The following PTPRD variants were observed in gnomAD, a reference collection of about 807,000 sequenced individuals.
The protein encoded by PTPRD is receptor-type tyrosine-protein phosphatase delta.
In PTPRD, 34 loss-of-function variants were observed where a neutral mutation model predicts 214.5. That is an observed-to-expected ratio of 0.16 (90% CI 0.12 to 0.21). The LOEUF (loss-of-function observed/expected upper bound fraction) is 0.21, where lower values mean the gene tolerates loss of function less well. PTPRD is among the 10% of genes least tolerant of loss of function. The pLI, the probability that PTPRD is intolerant of heterozygous loss-of-function variation, is 1.00. For synonymous variants in PTPRD, 1,128 were observed against 845.7 expected, an observed-to-expected ratio of 1.33 and a Z score of -5.79; for missense variants, 2,545 against 2,398.7, an observed-to-expected ratio of 1.06 and a Z score of -1.27.
chr9:9,047,043 A>C (rs1170520316), intron 10 of PTPRD, among the ~76,000 whole-genome samples: 1 of 152,178 alleles, frequency 6.6e-6, no homozygotes, highest in African/African-American at 2.4e-5. Flanking sequence ...AAAAGCTATT[A>C]AAACTGATAA....
intron 2 of PTPRD, among the ~76,000 whole-genome samples, chr9:10,481,968 C>T (rs2099100538): frequency 6.6e-6 from 1 of 151,848 alleles, no homozygotes; most frequent in Non-Finnish European, 1.5e-5. Flanking sequence ...TAGACTTTAT[C>T]CTCTCCAGAC....
chr9:10,476,906 A>G (rs2099066344), intron 2 of PTPRD, among the ~76,000 whole-genome samples: 1 of 152,204 alleles, frequency 6.6e-6, no homozygotes, highest in Admixed American at 6.6e-5. Flanking sequence ...TATTTAATAA[A>G]TGGTGCTGTA....
intron 3 of PTPRD, among the ~76,000 whole-genome samples, chr9:10,176,958 C>G (rs77429907): frequency 1.3e-5 from 2 of 151,892 alleles, no homozygotes; most frequent in South Asian, 4.1e-4. Context: ...CATGGTAGCT[C>G]TCTTATACAG....
chr9:10,543,697 T>G (rs1475782537), intron 2 of PTPRD, among the ~76,000 whole-genome samples: 1 of 152,228 alleles, frequency 6.6e-6, no homozygotes, highest in African/African-American at 2.4e-5. Flanking sequence ...TCTAAGCTTT[T>G]GCAACATAAC....
chr9:9,632,614 T>TAA (rs373819862), intron 7 of PTPRD, among the ~76,000 whole-genome samples: 1 of 146,640 alleles, frequency 6.8e-6, no homozygotes, highest in East Asian at 2.0e-4. Flanking sequence ...GAGAGAAAGT[T>TAA]AAAAAAAAAA....
intron 6 of PTPRD, among the ~76,000 whole-genome samples, chr9:9,734,780 GA>G (rs1426245334): frequency 1.3e-5 from 2 of 151,794 alleles, no homozygotes; most frequent in Non-Finnish European, 2.9e-5. Flanking sequence ...TAAAACAAAG[GA>G]AAAAAGGAAA....
intron 11 of PTPRD, among the ~76,000 whole-genome samples, chr9:8,869,100 T>C (rs1029907309): frequency 1.3e-5 from 2 of 152,152 alleles, no homozygotes; most frequent in African/African-American, 4.8e-5. Flanking sequence ...ATTGGAAAGA[T>C]TAAAACTCCC....
intron 34 of PTPRD, among the ~76,000 whole-genome samples, chr9:8,440,681 A>G (rs897549284): frequency 1.3e-5 from 2 of 152,220 alleles, no homozygotes; most frequent in Non-Finnish European, 2.9e-5. Context: ...TGATCTCCAC[A>G]ATATAGAGTC....
intron 5 of PTPRD, among the ~76,000 whole-genome samples, chr9:9,893,674 A>T (rs1390524981): frequency 6.6e-6 from 1 of 152,102 alleles, no homozygotes; most frequent in Non-Finnish European, 1.5e-5. Context: ...GTTAAGAGAG[A>T]AAGGGAGTTT....
chr9:8,646,828 C>A (rs2096704630), intron 12 of PTPRD, among the ~76,000 whole-genome samples: 1 of 152,302 alleles, frequency 6.6e-6, no homozygotes, highest in East Asian at 1.9e-4. Flanking sequence ...CCATACCCAG[C>A]ACATAGTTTC....
At chr9:9,368,610 C>G (rs2058542746) in intron 9 of PTPRD, among the ~76,000 whole-genome samples, 1 of 151,756 alleles carries the variant, frequency 6.6e-6, no homozygotes, top group Admixed American at 6.6e-5. Flanking sequence ...TCTTAAATGT[C>G]CCACTCTTAG....
chr9:8,492,158 C>T (rs1053739746), intron 27 of PTPRD, among the ~76,000 whole-genome samples: 3 of 151,970 alleles, frequency 2.0e-5, no homozygotes, highest in African/African-American at 4.8e-5. Flanking sequence ...ATCTTTTGTT[C>T]AGTTTGGCTT....
intron 11 of PTPRD, among the ~76,000 whole-genome samples, chr9:8,767,873 G>C (rs555131932): frequency 7.9e-5 from 12 of 152,122 alleles, no homozygotes; most frequent in Middle Eastern, 6.8e-3. Flanking sequence ...AAAGAAAAAA[G>C]ACCCACTGCT....
chr9:8,739,799 T>C (rs530874567), intron 11 of PTPRD, among the ~76,000 whole-genome samples: 2 of 152,180 alleles, frequency 1.3e-5, no homozygotes, highest in Non-Finnish European at 2.9e-5. Flanking sequence ...AACTGAATTA[T>C]AGGGGCAGGG....
At chr9:8,910,835 A>G (rs952721321) in intron 11 of PTPRD, among the ~76,000 whole-genome samples, 1 of 152,240 alleles carries the variant, frequency 6.6e-6, no homozygotes, top group African/African-American at 2.4e-5. Context: ...CAAAAGTGAA[A>G]CTAAGTAAAA....
intron 11 of PTPRD, among the ~76,000 whole-genome samples, chr9:8,776,793 A>T (rs10977292): frequency 6.8e-6 from 1 of 146,642 alleles, no homozygotes; most frequent in South Asian, 2.1e-4. Flanking sequence ...AATATGTATT[A>T]TATATATATT....
At chr9:10,372,348 G>A (rs143938805) in intron 2 of PTPRD, among the ~76,000 whole-genome samples, 13 of 152,114 alleles carry the variant, frequency 8.5e-5, no homozygotes, top group South Asian at 2.1e-4. Flanking sequence ...AGTGCCACAT[G>A]CCTTTGTGTT....
chr9:10,139,530 A>G (rs1007098114), intron 3 of PTPRD, among the ~76,000 whole-genome samples: 1 of 152,104 alleles, frequency 6.6e-6, no homozygotes, highest in African/African-American at 2.4e-5. Flanking sequence ...AAAAGCTATT[A>G]TAAAATTCAT....
intron 14 of PTPRD, among the ~76,000 whole-genome samples, chr9:8,620,956 G>C (rs1482554807): frequency 6.6e-6 from 1 of 151,952 alleles, no homozygotes; most frequent in Non-Finnish European, 1.5e-5. Context: ...AGCGGACCTA[G>C]ATATTATTAA....
Sources: allele counts gnomAD v4.1 joint callset (sites outside exome capture counted in the v4.1 genomes callset), GRCh38; gene constraint gnomAD v4.1.1; transcripts MANE v1.5; gene names NCBI Gene and HGNC (gene_info 2026-07-23, HGNC 2026-07-21).